XYLT1: variants seen among roughly 807,000 people sequenced by gnomAD.
XYLT1 encodes beta-D-xylosyltransferase 1.
XYLT1 carries 36 observed loss-of-function variants against 91.3 expected under a neutral mutation model. The observed-to-expected ratio is 0.39, with a 90% CI of 0.30 to 0.52. The LOEUF (loss-of-function observed/expected upper bound fraction) is 0.52, where lower values mean the gene tolerates loss of function less well. XYLT1 is among the 20% of genes least tolerant of loss of function. The probability of loss-of-function intolerance (pLI) is 0.68; values close to 1 mark genes in which losing one functional copy is unlikely to be tolerated. For missense variants in XYLT1, 1,242 were observed against 1,284.5 expected (o/e 0.97, Z 0.51); for synonymous variants, 588 against 532.0 (o/e 1.11, Z -1.45).
At chr16:17,370,861 C>A (rs1268245655) in intron 1 of XYLT1, among the ~76,000 whole-genome samples, 5 of 152,196 alleles carry the variant, frequency 3.3e-5, no homozygotes, top group Non-Finnish European at 7.3e-5. Flanking sequence ...GCCTTTCTGG[C>A]ACTGGAAAGC....
chr16:17,134,778 TGCTGGGG>T (rs1481317370), intron 8 of XYLT1, 43 bp from the exon 9 acceptor site: 1 of 1,604,436 alleles, frequency 6.2e-7, no homozygotes, highest in Admixed American at 1.7e-5. Flanking sequence ...CATCAGCGAG[TGCTGGGG>T]GTTGGGGGGA....
intron 2 of XYLT1, among the ~76,000 whole-genome samples, chr16:17,278,099 A>G (rs541238226): frequency 2.4e-4 from 36 of 152,282 alleles, no homozygotes; most frequent in African/African-American, 8.2e-4. Context: ...ACAGTTTGCT[A>G]CTGGAGAAGT....
Position 17,383,489 on chromosome 16 carries a change from A to C in XYLT1, c.364-25439T>G, listed in dbSNP as rs541060106. On this transcript the variant is annotated intron_variant, in intron 1 of 11. Coordinates refer to ENST00000261381, the MANE Select transcript of XYLT1 (RefSeq NM_022166.4). Reference sequence around the variant, plus strand: ...TTCCTTGTGGCAGGGGCTGGGTCTTATCCACTTGTTTTCCCAGAGCCAAAC... The same window carrying C: ...TTCCTTGTGGCAGGGGCTGGGTCTTCTCCACTTGTTTTCCCAGAGCCAAAC... Among the ~76,000 whole-genome samples the C allele has an allele frequency of 1.3e-5, 2 of 151,990 alleles. 1 individual carries two copies. The highest frequency in any genetic ancestry group is 4.0e-4 in the East Asian group (2 of 5,010).
At chr16:17,330,453 G>A (rs1164093545) in intron 2 of XYLT1, among the ~76,000 whole-genome samples, 3 of 152,006 alleles carry the variant, frequency 2.0e-5, no homozygotes, top group Non-Finnish European at 2.9e-5. Context: ...TGTGACTCCA[G>A]GGTCCCATAA....
chr16:17,359,668 G>T (rs1319493953), intron 1 of XYLT1, among the ~76,000 whole-genome samples: 1 of 152,118 alleles, frequency 6.6e-6, no homozygotes, highest in African/African-American at 2.4e-5. Flanking sequence ...AACATGGAGG[G>T]GAATATGTTC....
chr16:17,379,763 T>TTTCTCACA (rs1555501170), intron 1 of XYLT1, among the ~76,000 whole-genome samples: 1 of 125,546 alleles, frequency 8.0e-6, no homozygotes, highest in Non-Finnish European at 1.7e-5. Context: ...TCTCTCTCTC[T>TTTCTCACA]CACACACACA....
chr16:17,429,858 G>A (rs1331574431), intron 1 of XYLT1, among the ~76,000 whole-genome samples: 4 of 151,896 alleles, frequency 2.6e-5, no homozygotes, highest in African/African-American at 9.7e-5. Context: ...CAGCTTTCCT[G>A]GGTCTCCAGC....
chr16:17,405,551 C>T (rs926580815), intron 1 of XYLT1, among the ~76,000 whole-genome samples: 7 of 152,186 alleles, frequency 4.6e-5, no homozygotes, highest in Non-Finnish European at 8.8e-5. Flanking sequence ...GCAGCAAACC[C>T]AGCTCCTGGC....
chr16:17,175,567 G>A (rs1023416374), intron 5 of XYLT1, among the ~76,000 whole-genome samples: 22 of 152,170 alleles, frequency 1.4e-4, no homozygotes, highest in Non-Finnish European at 2.6e-4. Context: ...ACTGGAGCCC[G>A]CAGGCGTGGT....
chr16:17,309,941 G>A (rs746785504), intron 2 of XYLT1, among the ~76,000 whole-genome samples: 1 of 152,102 alleles, frequency 6.6e-6, no homozygotes, highest in Non-Finnish European at 1.5e-5. Context: ...GGGCCCCAGG[G>A]GCCAGGGGTG....
At chr16:17,248,551 G>C (rs970371047) in intron 3 of XYLT1, among the ~76,000 whole-genome samples, 1 of 152,030 alleles carries the variant, frequency 6.6e-6, no homozygotes, top group Non-Finnish European at 1.5e-5. Context: ...GAGCTCCCCT[G>C]TTGGTCTTGT....
intron 2 of XYLT1, among the ~76,000 whole-genome samples, chr16:17,300,582 G>A (rs568407210): frequency 2.1e-4 from 30 of 141,058 alleles, no homozygotes; most frequent in Non-Finnish European, 3.1e-4. Context: ...TTAGCCTCCC[G>A]AGTGGCTGGG....
chr16:17,343,787 A>C (rs1192010364), intron 2 of XYLT1, among the ~76,000 whole-genome samples: 1 of 152,172 alleles, frequency 6.6e-6, no homozygotes, highest in Non-Finnish European at 1.5e-5. Context: ...TTTTTAAATG[A>C]GAAGAGGAAT....
At chr16:17,186,649 G>A (rs1196651133) in intron 5 of XYLT1, among the ~76,000 whole-genome samples, 9 of 152,088 alleles carry the variant, frequency 5.9e-5, no homozygotes, top group African/African-American at 1.2e-4. Flanking sequence ...TGACCCGGCT[G>A]AGAAGCACAT....
At chr16:17,286,272 G>A (rs1004460147) in intron 2 of XYLT1, among the ~76,000 whole-genome samples, 3 of 152,088 alleles carry the variant, frequency 2.0e-5, no homozygotes, top group Non-Finnish European at 4.4e-5. Context: ...AACAGAGACT[G>A]AGCAATATGT....
chr16:17,457,752 G>A (rs192178788), intron 1 of XYLT1, among the ~76,000 whole-genome samples: 92 of 152,288 alleles, frequency 6.0e-4, no homozygotes, highest in Non-Finnish European at 1.1e-3. Flanking sequence ...TTTTGAGCTA[G>A]GATAAAAGAA....
At chr16:17,115,991 AAAAAAAAGC>A in intron 11 of XYLT1, among the ~76,000 whole-genome samples, 1 of 99,636 alleles carries the variant, frequency 1.0e-5, no homozygotes, top group East Asian at 2.0e-4. Context: ...AAAAAAAAAA[AAAAAAAAGC>A]AATCTTACAG....
At chr16:17,318,818 C>G (rs1019127749) in intron 2 of XYLT1, among the ~76,000 whole-genome samples, 2 of 144,978 alleles carry the variant, frequency 1.4e-5, no homozygotes, top group Non-Finnish European at 3.0e-5. Context: ...TCAGATGAGT[C>G]TAACTCTCGC....
intron 1 of XYLT1, among the ~76,000 whole-genome samples, chr16:17,410,706 G>C (rs994539590): frequency 1.4e-5 from 2 of 145,948 alleles, no homozygotes; most frequent in Non-Finnish European, 3.0e-5. Context: ...GGAGTGGTGT[G>C]ATCTTGGCTC....
Sources: gnomAD v4.1 joint callset for allele counts (sites outside exome capture counted in the v4.1 genomes callset) on GRCh38, gnomAD v4.1.1 for gene constraint, MANE v1.5 for transcripts, NCBI Gene and HGNC (gene_info 2026-07-23, HGNC 2026-07-21) for gene names.